FRMPD4: variants seen among roughly 807,000 people sequenced by gnomAD.
FRMPD4 encodes FERM and PDZ domain-containing protein 4.
In FRMPD4, 22 loss-of-function variants were observed where a neutral mutation model predicts 94.1. The ratio of observed to expected loss-of-function variants is 0.23; its 90% CI spans 0.17 to 0.33. The LOEUF is 0.33. FRMPD4 is among the 10% of genes least tolerant of loss of function. The pLI is 1.00. For synonymous variants in FRMPD4, 631 were observed against 548.6 expected (o/e 1.15, Z -2.10); for missense variants, 1,111 against 1,339.9 (o/e 0.83, Z 2.67).
intron 4 of FRMPD4, among the ~76,000 whole-genome samples, chrX:12,637,524 T>C (rs1602243763): frequency 9.0e-6 from 1 of 110,981 alleles, no homozygotes; most frequent in African/African-American, 3.3e-5. Context: ...TTCTTAATTT[T>C]TTAAAAAATT....
intron 3 of FRMPD4, among the ~76,000 whole-genome samples, chrX:11,955,788 G>A (rs184718023): frequency 0.012 from 1,265 of 109,791 alleles, 5 homozygotes; most frequent in Non-Finnish European, 0.015. Context: ...CCAGACATAG[G>A]CAGTTTATCA....
intron 4 of FRMPD4, among the ~76,000 whole-genome samples, chrX:12,670,450 C>G (rs1210903531): frequency 8.9e-6 from 1 of 111,784 alleles, no homozygotes; most frequent in African/African-American, 3.3e-5. Context: ...CATCTACAAC[C>G]ATCTGATCTT....
At chrX:12,167,509 A>T (rs2056141624) in intron 1 of FRMPD4, among the ~76,000 whole-genome samples, 1 of 111,381 alleles carries the variant, frequency 9.0e-6, no homozygotes, top group South Asian at 3.9e-4. Context: ...GGATGGTGGG[A>T]TTTTAATTGG....
At chrX:12,611,099 C>T (rs144314455) in intron 3 of FRMPD4, among the ~76,000 whole-genome samples, 2,325 of 112,322 alleles carry the variant, frequency 0.021, 70 homozygotes, top group African/African-American at 0.072. Context: ...ACAGATGTTC[C>T]GCTGTCAACA....
chrX:12,604,633 C>A (rs2059113744), intron 2 of FRMPD4, among the ~76,000 whole-genome samples: 1 of 111,922 alleles, frequency 8.9e-6, no homozygotes, highest in South Asian at 3.7e-4. Flanking sequence ...TCATTGATCT[C>A]CAGAGAAGAA....
intron 1 of FRMPD4, among the ~76,000 whole-genome samples, chrX:12,496,644 G>T (rs964250076): frequency 9.0e-6 from 1 of 111,476 alleles, no homozygotes; most frequent in Non-Finnish European, 1.9e-5. Flanking sequence ...ACTTACAAAG[G>T]GTGTTTTTTT....
At chrX:12,190,694 T>TAAAA (rs35306041) in intron 1 of FRMPD4, among the ~76,000 whole-genome samples, 3 of 86,991 alleles carry the variant, frequency 3.4e-5, no homozygotes, top group East Asian at 3.7e-4. Flanking sequence ...ACATCCACAT[T>TAAAA]AAAAAAAAAA....
At chrX:11,864,509 C>T (rs1485148597) in intron 1 of FRMPD4, among the ~76,000 whole-genome samples, 3 of 111,313 alleles carry the variant, frequency 2.7e-5, no homozygotes, top group Non-Finnish European at 3.8e-5. Context: ...CTTTTGATAT[C>T]CTTTGGGAAA....
At position 12,098,851 on chromosome X, in the gene FRMPD4, A is replaced by G. The variant is rs762938789; in HGVS notation, c.95+220833A>G. The stretch of plus-strand genomic sequence containing the variant: ...TGCATCTGAAGGTGGAATAATTAGA[A>G]TCACTTGAAATGTTTGTTTCCCCTT... On this transcript the variant is annotated intron_variant, in intron 3 of 18. Transcript: ENST00000640291. 6.4e-5 allele frequency among the ~76,000 whole-genome samples: 7 copies of G among 110,073 alleles called. No individual in the cohort carries two copies. The South Asian group carries it at 2.8e-3, about 43-fold the overall frequency.
In FRMPD4 at chrX:12,618,388, C is replaced by A. The variant is rs183266249; in HGVS notation, c.422+3507C>A. ...TAGATACGTAGGCATGATTCTTGCCCTCAAGGAGAAGAATTCTAATTAATT... is the reference window on the plus strand; with the variant it reads ...TAGATACGTAGGCATGATTCTTGCCATCAAGGAGAAGAATTCTAATTAATT... On this transcript the variant is annotated intron_variant, in intron 4 of 16. Transcript: ENST00000675598. Among the ~76,000 whole-genome samples the A allele has an allele frequency of 3.9e-4, 44 of 111,488 alleles. No individual in the cohort carries two copies. The South Asian group carries it at 0.016, about 41-fold the overall frequency.
chrX:11,890,322 C>T (rs182377669), intron 3 of FRMPD4, among the ~76,000 whole-genome samples: 1 of 111,597 alleles, frequency 9.0e-6, no homozygotes, highest in African/African-American at 3.3e-5. Flanking sequence ...TGCAGAATCT[C>T]GGACCCCACT....
At chrX:12,715,995 C>T (rs1159194003) in intron 14 of FRMPD4, 74 bp from the exon 15 acceptor site, 5 of 411,555 alleles carry the variant, frequency 1.2e-5, no homozygotes, top group East Asian at 3.9e-5. Context: ...AAAACAGAGA[C>T]GAGCCTCCCA....
chrX:12,407,915 G>A (rs961213929), intron 1 of FRMPD4, among the ~76,000 whole-genome samples: 3 of 110,828 alleles, frequency 2.7e-5, no homozygotes, highest in Admixed American at 9.6e-5. Flanking sequence ...TATTGTTGTC[G>A]ACAGCAAAGC....
At chrX:12,206,000 A>G (rs1001134405) in intron 1 of FRMPD4, among the ~76,000 whole-genome samples, 35 of 112,042 alleles carry the variant, frequency 3.1e-4, no homozygotes, top group Non-Finnish European at 7.5e-5. Context: ...GAAACGTACA[A>G]TGGGAAACAT....
chrX:12,369,518 T>C (rs192054253), intron 1 of FRMPD4, among the ~76,000 whole-genome samples: 81 of 112,632 alleles, frequency 7.2e-4, no homozygotes, highest in African/African-American at 2.3e-3. Flanking sequence ...GGGAAATAGA[T>C]TCAAATGCAT....
At chrX:11,929,337 G>T (rs1331202510) in intron 3 of FRMPD4, among the ~76,000 whole-genome samples, 1 of 111,993 alleles carries the variant, frequency 8.9e-6, no homozygotes, top group East Asian at 2.8e-4. Context: ...TCAGAATGGG[G>T]CTAGGAAAAG....
At chrX:12,569,353 GT>G (rs2058740705) in intron 2 of FRMPD4, among the ~76,000 whole-genome samples, 1 of 111,763 alleles carries the variant, frequency 8.9e-6, no homozygotes, top group South Asian at 3.7e-4. Flanking sequence ...CTAATACAAA[GT>G]TGTAATTAAT....
intron 3 of FRMPD4, among the ~76,000 whole-genome samples, chrX:12,060,429 G>C (rs1173091684): frequency 9.5e-6 from 1 of 105,753 alleles, no homozygotes; most frequent in Admixed American, 1.0e-4. Flanking sequence ...TGAGGTGTGT[G>C]TTCACATCTT....
rs2042122550 is a variant in FRMPD4, at chrX:12,717,771, A to G, written c.2945A>G (p.Lys982Arg). The G allele has an allele frequency of 8.3e-7, 1 of 1,211,820 alleles. No homozygotes were observed. The highest frequency in any genetic ancestry group is 1.1e-6 in the Non-Finnish European group (1 of 895,466). The part of the protein sequence containing the change: ...AARPATDLPP[K>R]VVPSKQLLHS... ...AGGCCAGCAACCGACCTCCCGCCCA[A>G]AGTTGTGCCTTCCAAGCAGTTACTT... The change falls in exon 16 of 17, where the codon AAA becomes AGA. Residue 982 changes from lysine to arginine, a missense_variant. Lys to Arg is a conservative substitution (Grantham distance 26, BLOSUM62 2). Coordinates refer to ENST00000675598, the MANE Select transcript of FRMPD4 (RefSeq NM_001368397.1).
Sources: allele counts gnomAD v4.1 joint callset (sites outside exome capture counted in the v4.1 genomes callset), GRCh38; gene constraint gnomAD v4.1.1; transcripts MANE v1.5; gene names NCBI Gene and HGNC (gene_info 2026-07-23, HGNC 2026-07-21).